CAMK4: variants seen among roughly 807,000 people sequenced by gnomAD.
The protein encoded by CAMK4 is calcium/calmodulin dependent protein kinase IV, also known as calcium/calmodulin-dependent protein kinase type IV.
CAMK4 carries 22 observed loss-of-function variants against 44.9 expected under a neutral mutation model. That is an observed-to-expected ratio of 0.49 (90% CI 0.35 to 0.70). The LOEUF (loss-of-function observed/expected upper bound fraction) is 0.70. Among genes scored for constraint, CAMK4 ranks in the 30% least tolerant of loss-of-function variants. The probability of loss-of-function intolerance (pLI) is 0.01; values close to 1 mark genes in which losing one functional copy is unlikely to be tolerated. For synonymous variants in CAMK4, 218 were observed against 215.4 expected, an observed-to-expected ratio of 1.01 and a Z score of -0.11; for missense variants, 498 against 586.8, an observed-to-expected ratio of 0.85 and a Z score of 1.56.
intron 5 of CAMK4, among the ~76,000 whole-genome samples, chr5:111,432,151 C>T (rs1169234696): frequency 2.6e-5 from 4 of 152,060 alleles, no homozygotes; most frequent in Non-Finnish European, 5.9e-5. Context: ...GGTACATATA[C>T]ACAATGGAGT....
At chr5:111,440,229 CAG>C (rs1753777691) in intron 5 of CAMK4, among the ~76,000 whole-genome samples, 1 of 152,026 alleles carries the variant, frequency 6.6e-6, no homozygotes, top group South Asian at 2.1e-4. Context: ...GACCTTGACT[CAG>C]GAGTCAGGAG....
intron 1 of CAMK4, among the ~76,000 whole-genome samples, chr5:111,260,507 T>G (rs930555782): frequency 2.0e-5 from 3 of 152,160 alleles, no homozygotes; most frequent in Non-Finnish European, 4.4e-5. Flanking sequence ...GTCTCTTGTC[T>G]TCCTATATTT....
intron 7 of CAMK4, among the ~76,000 whole-genome samples, chr5:111,464,574 G>A (rs1014569701): frequency 2.6e-5 from 4 of 152,142 alleles, no homozygotes; most frequent in African/African-American, 7.2e-5. Context: ...ATAATCTTAA[G>A]AGCCATGTAT....
At chr5:111,319,760 A>G (rs1290623004) in intron 1 of CAMK4, among the ~76,000 whole-genome samples, 1 of 152,230 alleles carries the variant, frequency 6.6e-6, no homozygotes, top group Non-Finnish European at 1.5e-5. Context: ...GATTGTGGTT[A>G]TCCAGGAATG....
Position 111,482,416 on chromosome 5 carries a change from G to C in CAMK4, c.829-369G>C, listed in dbSNP as rs1340364394. 3 of 163,730 alleles carry C rather than the reference G, an allele frequency of 1.8e-5. No homozygotes were observed. Among genetic ancestry groups the C allele is most frequent in the African/African-American group, 7.2e-5 (3 of 41,908 alleles). 10.1% of individuals were successfully genotyped at this position (163,730 alleles called of 1,614,324 possible). A position where few individuals can be genotyped will look rare whatever the true frequency, so the allele number is the denominator to read the frequency against. On this transcript the variant is annotated intron_variant, in intron 9 of 10. Coordinates refer to ENST00000282356, the MANE Select transcript of CAMK4 (RefSeq NM_001744.6). This position sits in a 1 kb window ranked among gnomAD's most constrained non-coding sequence, Gnocchi z 4.9. Reference sequence around the variant, plus strand: ...AATGATTCCATTCTGTTACCATAGAGATGTACTTTAAGTTCTGAATTCTAG... The same window carrying C: ...AATGATTCCATTCTGTTACCATAGACATGTACTTTAAGTTCTGAATTCTAG...
chr5:111,277,456 T>C (rs1750816689), intron 1 of CAMK4: 1 of 152,260 alleles, frequency 6.6e-6, no homozygotes, highest in South Asian at 2.1e-4. Flanking sequence ...CAGTTGCTTG[T>C]TGCAATTTCA....
chr5:111,395,500 G>A (rs768797634), intron 5 of CAMK4, among the ~76,000 whole-genome samples: 23 of 151,024 alleles, frequency 1.5e-4, no homozygotes, highest in Non-Finnish European at 3.1e-4. Context: ...TGAATGTGAT[G>A]TAAACCTTGG....
intron 1 of CAMK4, among the ~76,000 whole-genome samples, chr5:111,261,024 C>A (rs1357220233): frequency 6.6e-6 from 1 of 152,170 alleles, no homozygotes; most frequent in African/African-American, 2.4e-5. Flanking sequence ...GCCATTCCAA[C>A]AGTCACCTTA....
intron 1 of CAMK4, among the ~76,000 whole-genome samples, chr5:111,312,164 G>A (rs1356541841): frequency 6.6e-6 from 1 of 152,114 alleles, no homozygotes; most frequent in Non-Finnish European, 1.5e-5. Context: ...CTGGCCAAAT[G>A]CTTTCTTGCA....
At chr5:111,445,293 A>T (rs1417533335) in intron 5 of CAMK4, among the ~76,000 whole-genome samples, 1 of 152,246 alleles carries the variant, frequency 6.6e-6, no homozygotes, top group Non-Finnish European at 1.5e-5. Flanking sequence ...GCCTTCAAAG[A>T]TATTTTGTTA....
chr5:111,477,089 G>C (rs1008713150), intron 8 of CAMK4, among the ~76,000 whole-genome samples: 1 of 152,200 alleles, frequency 6.6e-6, no homozygotes, highest in Non-Finnish European at 1.5e-5. Flanking sequence ...GGCAAGGTCA[G>C]ACTCTCTCGT....
chr5:111,354,736 A>T (rs1436949828), intron 2 of CAMK4, among the ~76,000 whole-genome samples: 2 of 151,750 alleles, frequency 1.3e-5, no homozygotes, highest in Non-Finnish European at 1.5e-5. Context: ...AATAAATAAG[A>T]CTCCTTTGGG....
At chr5:111,414,184 G>A (rs1229820938) in intron 5 of CAMK4, among the ~76,000 whole-genome samples, 1 of 152,146 alleles carries the variant, frequency 6.6e-6, no homozygotes, top group Non-Finnish European at 1.5e-5. Flanking sequence ...GCTAACTTCA[G>A]AATTGTCTCC....
intron 1 of CAMK4, among the ~76,000 whole-genome samples, chr5:111,299,095 C>A (rs905967741): frequency 6.6e-6 from 1 of 152,218 alleles, no homozygotes; most frequent in Non-Finnish European, 1.5e-5. Context: ...CATGTCCCTA[C>A]CTGGAAGATG....
At chr5:111,261,551 G>T (rs1749976057) in intron 1 of CAMK4, among the ~76,000 whole-genome samples, 1 of 142,126 alleles carries the variant, frequency 7.0e-6, no homozygotes, top group Non-Finnish European at 1.5e-5. Flanking sequence ...TTCCTTCTCT[G>T]ACCCTAATAG....
At chr5:111,342,677 A>C (rs1288369189) in intron 1 of CAMK4, among the ~76,000 whole-genome samples, 1 of 151,574 alleles carries the variant, frequency 6.6e-6, no homozygotes, top group Non-Finnish European at 1.5e-5. Flanking sequence ...TTTCATTTTT[A>C]AATCTATTAT....
intron 1 of CAMK4, among the ~76,000 whole-genome samples, chr5:111,242,796 C>A (rs1032326624): frequency 5.3e-5 from 8 of 152,122 alleles, no homozygotes; most frequent in African/African-American, 1.7e-4. Flanking sequence ...TTGTGCAGCA[C>A]CTCCATGGTG....
chr5:111,437,765 G>C (rs1753697071), intron 5 of CAMK4, among the ~76,000 whole-genome samples: 1 of 152,146 alleles, frequency 6.6e-6, no homozygotes, highest in Admixed American at 6.6e-5. Flanking sequence ...CTGTATCAGA[G>C]AACAGAACAA....
At chr5:111,387,989 A>G (rs1751665442) in intron 4 of CAMK4, among the ~76,000 whole-genome samples, 1 of 152,228 alleles carries the variant, frequency 6.6e-6, no homozygotes, top group Non-Finnish European at 1.5e-5. Flanking sequence ...CTTTTCAGTC[A>G]GCCATGGATA....
Sources: gnomAD v4.1 joint callset for allele counts (sites outside exome capture counted in the v4.1 genomes callset) on GRCh38, gnomAD v4.1.1 for gene constraint, Gnocchi (gnomAD v3.1) non-coding constraint, MANE v1.5 for transcripts, NCBI Gene and HGNC (gene_info 2026-07-23, HGNC 2026-07-21) for gene names.